The following MAPK6 variants were observed in gnomAD, a reference collection of about 807,000 sequenced individuals.
MAPK6 encodes mitogen-activated protein kinase 6.
MAPK6 carries 19 observed loss-of-function variants against 59.3 expected under a neutral mutation model. The ratio of observed to expected loss-of-function variants is 0.32; its 90% CI spans 0.22 to 0.47. The LOEUF (loss-of-function observed/expected upper bound fraction) is 0.47. Ranked by LOEUF, MAPK6 falls within the 20% of genes least tolerant of loss-of-function variation. The probability of loss-of-function intolerance (pLI) is 1.00; values close to 1 mark genes in which losing one functional copy is unlikely to be tolerated. For missense variants in MAPK6, 724 were observed against 847.9 expected (o/e 0.85, Z 1.81); for synonymous variants, 316 against 290.3 (o/e 1.09, Z -0.90).
At chr15:52,055,715 C>T (rs1316149482) in intron 3 of MAPK6, among the ~76,000 whole-genome samples, 1 of 152,102 alleles carries the variant, frequency 6.6e-6, no homozygotes, top group Non-Finnish European at 1.5e-5. Flanking sequence ...AGGATTTCAC[C>T]ATATTGGTCA....
intron 2 of MAPK6, among the ~76,000 whole-genome samples, chr15:51,984,864 G>A (rs1311732976): frequency 6.6e-6 from 1 of 152,172 alleles, no homozygotes; most frequent in African/African-American, 2.4e-5. Context: ...ATATCTCTGG[G>A]AAGTGAGATT....
chr15:52,064,003 A>T lies in MAPK6; in HGVS notation c.1169A>T (p.Asp390Val). 1 of 1,613,806 alleles carries T rather than the reference A, an allele frequency of 6.2e-7. No individual in the cohort carries two copies. ...CCAAGAGCTCTGTCCGATGTCACTGATGAAGAAGAAGTACAAGTTGATCCC... is the reference window on the plus strand; with the variant it reads ...CCAAGAGCTCTGTCCGATGTCACTGTTGAAGAAGAAGTACAAGTTGATCCC... ...LDPRALSDVT[D>V]EEEVQVDPRK... is the part of the protein sequence containing the mutation. Residue 390 changes from aspartate (D) to valine (V), a missense_variant, in exon 6 of 6, where the codon GAT becomes GTT. This residue lies in a region of MAPK6 where 502 missense variants were observed against 507.6 expected (regional missense o/e 0.99). Transcript: ENST00000261845.
intron 2 of MAPK6, among the ~76,000 whole-genome samples, chr15:52,003,048 A>G (rs1227911773): frequency 6.6e-6 from 1 of 152,026 alleles, no homozygotes; most frequent in African/African-American, 2.4e-5. Context: ...TTAGCAGGGT[A>G]TGGTGGTGCA....
At position 52,064,653 on chromosome 15, in the gene MAPK6, A is replaced by G. The variant is rs758492531; in HGVS notation, c.1819A>G (p.Ile607Val). 3.1e-6 allele frequency: 5 copies of G among 1,611,680 alleles called. No homozygotes were observed. Among genetic ancestry groups the G allele is most frequent in the South Asian group, 1.1e-5 (1 of 90,918 alleles). ...GAGTGGTGGGGAGGACTGTTTTTTC[A>G]TAAATCAGTTTTGTGAGGTAAGGAA... ...FVSGGEDCFF[I>V]NQFCEVRKDE... The change falls in exon 6 of 6, where the codon ATA (isoleucine) becomes GTA (valine). Residue 607 changes from isoleucine (I) to valine (V), a missense_variant. Ile to Val is a conservative substitution (Grantham distance 29). Coordinates refer to ENST00000261845, the MANE Select transcript of MAPK6 (RefSeq NM_002748.4).
intron 2 of MAPK6, among the ~76,000 whole-genome samples, 180 bp from the exon 3 acceptor site, chr15:52,049,813 C>T (rs996797005): frequency 3.3e-5 from 5 of 151,994 alleles, no homozygotes; most frequent in Admixed American, 6.6e-5. Flanking sequence ...GGGGTTTCTC[C>T]GGTTGGTCAG....
chr15:52,038,118 C>T (rs2031302525), intron 1 of MAPK6, among the ~76,000 whole-genome samples: 1 of 149,842 alleles, frequency 6.7e-6, no homozygotes, highest in African/African-American at 2.5e-5. Flanking sequence ...TGCCCCTGTG[C>T]TCCAGGAGTA....
intron 2 of MAPK6, among the ~76,000 whole-genome samples, chr15:51,986,593 A>G (rs1410010444): frequency 6.6e-6 from 1 of 152,204 alleles, no homozygotes; most frequent in Non-Finnish European, 1.5e-5. Flanking sequence ...TATTCAAAAT[A>G]CCATTTTAGC....
chr15:51,974,725 TC>T (rs554609196), intron 1 of MAPK6, among the ~76,000 whole-genome samples: 11 of 144,022 alleles, frequency 7.6e-5, no homozygotes, highest in Non-Finnish European at 1.4e-4. Context: ...ATTTCTTTTT[TC>T]CCCCCCCGCA....
In MAPK6 at chr15:51,973,550, A is replaced by G. The variant is rs139685888; in HGVS notation, c.-880+1644A>G. Among the ~76,000 whole-genome samples, 193 of 152,110 alleles carry G rather than the reference A, an allele frequency of 1.3e-3. 1 individual carries two copies. Among genetic ancestry groups the G allele is most frequent in the African/African-American group, 4.3e-3 (178 of 41,564 alleles). ...TTACAGTTTGGTCTGGTGAGTCACC[A>G]TGTCCATATTCCTGGCTATCAGAAT... On this transcript the variant is annotated intron_variant, in intron 1 of 7. Coordinates refer to the MAPK6 transcript ENST00000691380.
At chr15:52,031,752 G>C (rs1452338096) in intron 1 of MAPK6, among the ~76,000 whole-genome samples, 1 of 152,160 alleles carries the variant, frequency 6.6e-6, no homozygotes, top group Non-Finnish European at 1.5e-5. Context: ...CACCCACCTT[G>C]AGCAATGGAG....
At chr15:52,052,051 G>A (rs1392627496) in intron 3 of MAPK6, among the ~76,000 whole-genome samples, 2 of 152,164 alleles carry the variant, frequency 1.3e-5, no homozygotes, top group Non-Finnish European at 2.9e-5. Flanking sequence ...GTTTGTTGCG[G>A]TGTGACAAAT....
At chr15:52,030,852 C>T (rs1361700360) in intron 1 of MAPK6, among the ~76,000 whole-genome samples, 2 of 148,904 alleles carry the variant, frequency 1.3e-5, no homozygotes, top group East Asian at 2.0e-4. Flanking sequence ...AATGCAGTGG[C>T]GTGATCTCGG....
chr15:51,976,252 C>A (rs1361443436), intron 1 of MAPK6, among the ~76,000 whole-genome samples: 14 of 128,590 alleles, frequency 1.1e-4, no homozygotes, highest in African/African-American at 3.9e-4. Context: ...GGTGACAAAG[C>A]GAGACTCCCA....
At chr15:52,047,224 A>T (rs372925443) in intron 2 of MAPK6, among the ~76,000 whole-genome samples, 1 of 152,304 alleles carries the variant, frequency 6.6e-6, no homozygotes, top group East Asian at 1.9e-4. Context: ...TGGTTATTAT[A>T]ATGAAATTTT....
At chr15:52,005,350 C>T (rs1186396751) in intron 3 of MAPK6, among the ~76,000 whole-genome samples, 1 of 152,022 alleles carries the variant, frequency 6.6e-6, no homozygotes, top group Non-Finnish European at 1.5e-5. Flanking sequence ...CATGGCAAAA[C>T]CCTGTCGCTA....
At chr15:51,981,254 A>G (rs987776743) in intron 1 of MAPK6, among the ~76,000 whole-genome samples, 1 of 151,668 alleles carries the variant, frequency 6.6e-6, no homozygotes, top group Non-Finnish European at 1.5e-5. Flanking sequence ...CCAGCGGAAC[A>G]TGAGGTCAGG....
intron 3 of MAPK6, among the ~76,000 whole-genome samples, chr15:52,051,361 A>G (rs2031773428): frequency 6.6e-6 from 1 of 151,568 alleles, no homozygotes; most frequent in African/African-American, 2.4e-5. Context: ...CAGGCCCTCC[A>G]TACCCATTTT....
chr15:52,063,976 A>C lies in MAPK6; in HGVS notation c.1142A>C (p.Asp381Ala). ...TTTGATATTGATGAAGTTCAGCTTG[A>C]TCCAAGAGCTCTGTCCGATGTCACT... The part of the protein sequence containing the change: ...NNFDIDEVQL[D>A]PRALSDVTDE... The change falls in exon 6 of 6, where the codon GAT becomes GCT. Residue 381 changes from aspartate to alanine, a missense_variant. Physicochemically the swap from Asp to Ala is moderately radical, Grantham distance 126. Transcript: ENST00000261845. 1 of 1,611,758 alleles carries C rather than the reference A, an allele frequency of 6.2e-7. No individual in the cohort carries two copies. Among genetic ancestry groups the C allele is most frequent in the Non-Finnish European group, 8.5e-7 (1 of 1,178,894 alleles).
intron 1 of MAPK6, among the ~76,000 whole-genome samples, chr15:52,031,200 C>T (rs1005077009): frequency 2.0e-5 from 3 of 151,742 alleles, no homozygotes; most frequent in Non-Finnish European, 2.9e-5. Flanking sequence ...CCCAATGTGC[C>T]GGGACTACAG....
Sources: gnomAD v4.1 joint callset for allele counts (sites outside exome capture counted in the v4.1 genomes callset) on GRCh38, gnomAD v4.1.1 for gene constraint, gnomAD v4.1.1 regional missense constraint, MANE v1.5 for transcripts, NCBI Gene and HGNC (gene_info 2026-07-23, HGNC 2026-07-21) for gene names.